Variants in ZFHX3 observed in about 807,000 individuals in gnomAD.
ZFHX3 encodes the protein zinc finger homeobox protein 3.
ZFHX3 carries 42 observed loss-of-function variants against 279.1 expected under a neutral mutation model. That is an observed-to-expected ratio of 0.15 (90% CI 0.12 to 0.19). The LOEUF (loss-of-function observed/expected upper bound fraction) is 0.19, where lower values mean the gene tolerates loss of function less well. Among genes scored for constraint, ZFHX3 ranks in the 10% least tolerant of loss-of-function variants. The probability of loss-of-function intolerance (pLI) is 1.00; values close to 1 mark genes in which losing one functional copy is unlikely to be tolerated. For missense variants in ZFHX3, 4,981 were observed against 4,754.0 expected (o/e 1.05, Z -1.40); for synonymous variants, 2,293 against 1,957.8 (o/e 1.17, Z -4.52).
chr16:72,949,449 A>T (rs1960866593), intron 3 of ZFHX3, among the ~76,000 whole-genome samples: 1 of 152,212 alleles, frequency 6.6e-6, no homozygotes, highest in African/African-American at 2.4e-5. Context: ...TTATGGGATG[A>T]TTAGAGAAAA....
At chr16:73,301,132 T>C (rs1409760952) in intron 4 of ZFHX3, among the ~76,000 whole-genome samples, 2 of 152,204 alleles carry the variant, frequency 1.3e-5, no homozygotes, top group African/African-American at 2.4e-5. Flanking sequence ...CAGAGTCCTT[T>C]GGATAACTTC....
At chr16:73,326,976 A>G (rs1029562671) in intron 3 of ZFHX3, among the ~76,000 whole-genome samples, 1 of 152,266 alleles carries the variant, frequency 6.6e-6, no homozygotes, top group Non-Finnish European at 1.5e-5. Flanking sequence ...AGAATAGGAC[A>G]TAAACATTCC....
chr16:73,876,528 T>G (rs2142406919), intron 1 of ZFHX3, among the ~76,000 whole-genome samples: 1 of 152,370 alleles, frequency 6.6e-6, no homozygotes, highest in South Asian at 2.1e-4. Flanking sequence ...ATTCAATAAT[T>G]TGTATGTTTA....
At chr16:73,503,821 C>T (rs1331279553) in intron 2 of ZFHX3, among the ~76,000 whole-genome samples, 1 of 152,172 alleles carries the variant, frequency 6.6e-6, no homozygotes, top group Non-Finnish European at 1.5e-5. Flanking sequence ...TTTTTGGTAA[C>T]AGTTTTGACC....
In ZFHX3 at chr16:73,679,188, A is replaced by T. The variant is rs183655352; in HGVS notation, c.-1547+992T>A. 1.6e-3 allele frequency among the ~76,000 whole-genome samples: 242 copies of T among 152,132 alleles called. 1 individual carries two copies. Among genetic ancestry groups the T allele is most frequent in the Middle Eastern group, 6.8e-3 (2 of 294 alleles). On this transcript the variant is annotated intron_variant, in intron 2 of 17. Coordinates refer to the ZFHX3 transcript ENST00000641206. ...AAAATATTTTATCAAGGCATTTGAT[A>T]CCAAGCATCTAGTCTACTCAACACT...
At chr16:72,872,784 A>G (rs1188177640) in intron 4 of ZFHX3, among the ~76,000 whole-genome samples, 2 of 152,116 alleles carry the variant, frequency 1.3e-5, no homozygotes, top group African/African-American at 4.8e-5. Flanking sequence ...TAAATCTATG[A>G]TATTCACACT....
At chr16:73,098,469 C>G (rs1450813523) in intron 7 of ZFHX3, among the ~76,000 whole-genome samples, 1 of 152,192 alleles carries the variant, frequency 6.6e-6, no homozygotes, top group East Asian at 1.9e-4. Flanking sequence ...TCAAGTGATT[C>G]TCCTCCCTCA....
intron 5 of ZFHX3, among the ~76,000 whole-genome samples, chr16:73,171,838 A>G (rs1286126007): frequency 6.6e-6 from 1 of 152,156 alleles, no homozygotes; most frequent in Non-Finnish European, 1.5e-5. Flanking sequence ...GAATGGGCAA[A>G]AATGCCCTCC....
intron 5 of ZFHX3, among the ~76,000 whole-genome samples, chr16:73,255,560 C>A (rs2144961879): frequency 6.6e-6 from 1 of 152,324 alleles, no homozygotes; most frequent in Middle Eastern, 3.4e-3. Flanking sequence ...CTCCAATTCC[C>A]TTTATTTGAT....
At chr16:73,209,100 C>T (rs1383173465) in intron 5 of ZFHX3, among the ~76,000 whole-genome samples, 1 of 151,960 alleles carries the variant, frequency 6.6e-6, no homozygotes, top group Non-Finnish European at 1.5e-5. Context: ...AAGCCAAGGC[C>T]AAACAACACA....
At chr16:72,889,644 C>T in intron 4 of ZFHX3, 87 bp downstream of exon 4, 1 of 1,281,826 alleles carries the variant, frequency 7.8e-7, no homozygotes, top group Non-Finnish European at 1.1e-6. Flanking sequence ...TCAGTAACGT[C>T]TCCCTCAAAC....
chr16:73,393,559 G>A (rs954424790), intron 3 of ZFHX3, among the ~76,000 whole-genome samples: 4 of 152,156 alleles, frequency 2.6e-5, no homozygotes, highest in South Asian at 2.1e-4. Context: ...CTTCAAAGTC[G>A]CTGGCGAGAA....
chr16:73,094,899 G>A (rs935728675), intron 7 of ZFHX3, among the ~76,000 whole-genome samples: 2 of 151,968 alleles, frequency 1.3e-5, no homozygotes, highest in Admixed American at 6.6e-5. Context: ...TATAGAGATA[G>A]GGTTTTCCTC....
At chr16:73,593,615 G>A (rs2052021067) in intron 2 of ZFHX3, among the ~76,000 whole-genome samples, 1 of 151,094 alleles carries the variant, frequency 6.6e-6, no homozygotes, top group African/African-American at 2.4e-5. Flanking sequence ...AAGGAAGGAA[G>A]GAAGGGAAGT....
chr16:72,798,257 T>C lies in ZFHX3; in HGVS notation c.4425A>G (p.Ala1475=), dbSNP rs910506049. 3.1e-6 allele frequency: 5 copies of C among 1,614,180 alleles called. No homozygotes were observed. Among genetic ancestry groups the C allele is most frequent in the Middle Eastern group, 1.7e-4 (1 of 6,056 alleles). Residue 1475 remains alanine (A), a synonymous_variant, in exon 9 of 10, where the codon GCA becomes GCG. Transcript: ENST00000268489. ...GGLLANGDLL[A]MGDPTLAEDH... is the part of the protein sequence containing the mutation. ...CCTCTGCCAGAGTGGGGTCTCCCATTGCCAGGAGGTCCCCATTGGCCAGCA... is the reference window on the plus strand; with the variant it reads ...CCTCTGCCAGAGTGGGGTCTCCCATCGCCAGGAGGTCCCCATTGGCCAGCA...
At chr16:73,609,385 A>G (rs2052222813) in intron 2 of ZFHX3, 1 of 152,218 alleles carries the variant, frequency 6.6e-6, no homozygotes, top group Non-Finnish European at 1.5e-5. Flanking sequence ...TTCCATTTCA[A>G]AAAAATAAAG....
chr16:73,040,785 G>A (rs547280776), intron 1 of ZFHX3, among the ~76,000 whole-genome samples: 218 of 152,300 alleles, frequency 1.4e-3, no homozygotes, highest in African/African-American at 5.1e-3. Context: ...GCCAATATCC[G>A]GAGAAGCTTT....
chr16:73,237,242 G>A (rs1008115951), intron 5 of ZFHX3, among the ~76,000 whole-genome samples: 1 of 152,076 alleles, frequency 6.6e-6, no homozygotes, highest in Non-Finnish European at 1.5e-5. Context: ...TGACTTAAAG[G>A]TGCCTTGATT....
chr16:73,522,699 T>A (rs1159183040), intron 2 of ZFHX3, among the ~76,000 whole-genome samples: 5 of 152,192 alleles, frequency 3.3e-5, no homozygotes. Context: ...GCCTTGTGTC[T>A]ACTCTGTGCC....
Sources: gnomAD v4.1 joint callset for allele counts (sites outside exome capture counted in the v4.1 genomes callset) on GRCh38, gnomAD v4.1.1 for gene constraint, MANE v1.5 for transcripts, NCBI Gene and HGNC (gene_info 2026-07-23, HGNC 2026-07-21) for gene names.